ASXL3: variants seen among roughly 807,000 people sequenced by gnomAD.
ASXL3 encodes putative Polycomb group protein ASXL3.
Under a neutral mutation model 170.6 loss-of-function variants are expected in ASXL3, and 34 were observed. That is an observed-to-expected ratio of 0.20 (90% CI 0.15 to 0.27). ASXL3 has a LOEUF of 0.27. Among genes scored for constraint, ASXL3 ranks in the 10% least tolerant of loss-of-function variants. The probability of loss-of-function intolerance (pLI) is 1.00; values close to 1 mark genes in which losing one functional copy is unlikely to be tolerated. For missense variants in ASXL3, 2,592 were observed against 2,695.3 expected, an observed-to-expected ratio of 0.96 and a Z score of 0.85; for synonymous variants, 1,002 against 989.1, an observed-to-expected ratio of 1.01 and a Z score of -0.24.
intron 9 of ASXL3, among the ~76,000 whole-genome samples, chr18:33,732,280 A>G (rs997289376): frequency 1.3e-5 from 2 of 152,178 alleles, no homozygotes; most frequent in African/African-American, 4.8e-5. Flanking sequence ...TTTATCTTGG[A>G]CATCATAAAA....
At position 33,747,328 on chromosome 18, in the gene ASXL3, T is replaced by C. The variant is rs1211031584; in HGVS notation, c.*733T>C. 1 of 151,268 alleles carries C rather than the reference T, an allele frequency of 6.6e-6. No homozygotes were observed. Among genetic ancestry groups the C allele is most frequent in the South Asian group, 2.1e-4 (1 of 4,800 alleles). The allele number at this position is 151,268 out of a possible 1,614,324, so 9.4% of individuals were successfully genotyped here. ...AATCTGGTTCTAGGCCTTTGACACC[T>C]GATAATATGAGAGCAATTGGCCAGC... On this transcript the variant is annotated 3_prime_UTR_variant, in exon 12 of 12. Transcript: ENST00000269197.
chr18:33,592,799 C>T (rs2065088792), intron 1 of ASXL3, among the ~76,000 whole-genome samples: 1 of 152,052 alleles, frequency 6.6e-6, no homozygotes, highest in Admixed American at 6.5e-5. Flanking sequence ...AGGTTAAGTT[C>T]TTTTGTGTTT....
chr18:33,739,875 C>T lies in ASXL3; in HGVS notation c.2471C>T (p.Pro824Leu), dbSNP rs764053964. The change falls in exon 11 of 12, where the codon CCG (proline) becomes CTG (leucine). Residue 824 changes from proline (P) to leucine (L), a missense_variant. Transcript: ENST00000269197. ...TCTTCCATTGCTCCTGAAGCATTTC[C>T]GTCTGAAGATTTGCACAATAAGACC... ...SSSSIAPEAF[P>L]SEDLHNKTLS... 28 of 1,613,728 alleles carry T rather than the reference C, an allele frequency of 1.7e-5. 1 individual carries two copies. The highest frequency in any genetic ancestry group is 3.3e-4 in the Middle Eastern group (2 of 6,082).
intron 1 of ASXL3, among the ~76,000 whole-genome samples, chr18:33,601,600 A>T (rs1450716866): frequency 6.6e-6 from 1 of 151,724 alleles, no homozygotes; most frequent in Non-Finnish European, 1.5e-5. Flanking sequence ...CCTATTTAGT[A>T]GTGCTACAAT....
intron 4 of ASXL3, 43 bp downstream of exon 4, chr18:33,646,396 A>C (rs1228873603): frequency 3.6e-6 from 5 of 1,390,504 alleles, no homozygotes; most frequent in Non-Finnish European, 5.0e-6. Context: ...TGTTCTCTTA[A>C]AAGTTATATA....
chr18:33,660,144 G>GGCAA (rs1568310582), intron 4 of ASXL3, among the ~76,000 whole-genome samples: 1 of 151,976 alleles, frequency 6.6e-6, no homozygotes, highest in African/African-American at 2.4e-5. Context: ...TATGACCATG[G>GGCAA]GCAAGTTATT....
At position 33,749,076 on chromosome 18, in the gene ASXL3, C is replaced by CTTTTTTTT. The variant is rs10616181; in HGVS notation, c.*2491_*2498dup. On this transcript the variant is annotated 3_prime_UTR_variant, in exon 12 of 12. Coordinates refer to ENST00000269197, the MANE Select transcript of ASXL3 (RefSeq NM_030632.3). ...CCGATTAGCATAATTTTTCTGCGCC[C>CTTTTTTTT]TTTTTTTTTTTTTTTTTGCTCCAGT... 1 of 128,448 alleles carries CTTTTTTTT rather than the reference C, an allele frequency of 7.8e-6. No homozygotes were observed. The highest frequency in any genetic ancestry group is 2.9e-5 in the African/African-American group (1 of 34,180). The allele number at this position is 128,448 out of a possible 1,614,324, so 8.0% of individuals were successfully genotyped here.
rs141932209 is a variant in ASXL3, at chr18:33,747,441, TCAAAG to T, written c.*850_*854del. ...AAAAAAAAAAAAAAGACCCTAAACT[TCAAAG>T]CAAGGAAATAAGATGCTGTATATGC... On this transcript the variant is annotated 3_prime_UTR_variant, in exon 12 of 12. Coordinates refer to ENST00000269197, the MANE Select transcript of ASXL3 (RefSeq NM_030632.3). 6.6e-5 allele frequency: 10 copies of T among 151,804 alleles called. No individual in the cohort carries two copies. The highest frequency in any genetic ancestry group is 9.7e-5 in the African/African-American group (4 of 41,406). 9.4% of individuals were successfully genotyped at this position (151,804 alleles called of 1,614,324 possible).
chr18:33,730,559 T>G (rs1302967925), intron 8 of ASXL3, among the ~76,000 whole-genome samples: 1 of 152,156 alleles, frequency 6.6e-6, no homozygotes, highest in African/African-American at 2.4e-5. Context: ...ATGGGGAAGC[T>G]GAGACATTCA....
rs1255682279 is a variant in ASXL3, at chr18:33,746,010, A to G, written c.6162A>G (p.Gln2054=). The stretch of plus-strand genomic sequence containing the variant: ...CTAATGCAGAAGTCCCATCTGATCA[A>G]AAACAACCTCCAGTTACCATGGAAA... The part of the protein sequence containing the change: ...PLPNAEVPSD[Q]KQPPVTMETT... Residue 2054 remains glutamine (Q), a synonymous_variant, in exon 12 of 12, where the codon CAA becomes CAG. Coordinates refer to ENST00000269197, the MANE Select transcript of ASXL3 (RefSeq NM_030632.3). The G allele has an allele frequency of 1.2e-6, 2 of 1,609,760 alleles. No homozygotes were observed. The highest frequency in any genetic ancestry group is 2.2e-5 in the South Asian group (2 of 90,896).
At chr18:33,601,077 C>T (rs898685242) in intron 1 of ASXL3, among the ~76,000 whole-genome samples, 12 of 152,048 alleles carry the variant, frequency 7.9e-5, no homozygotes, top group Admixed American at 5.3e-4. Flanking sequence ...CTTTCCTGTG[C>T]CTCATTGGTG....
chr18:33,639,877 A>T (rs997585268), intron 2 of ASXL3, among the ~76,000 whole-genome samples: 6 of 152,202 alleles, frequency 3.9e-5, no homozygotes, highest in African/African-American at 1.2e-4. Context: ...AAATTTAAGA[A>T]TTAAAGTGTA....
chr18:33,630,213 T>A (rs990604750), intron 2 of ASXL3, among the ~76,000 whole-genome samples: 6 of 151,996 alleles, frequency 3.9e-5, no homozygotes, highest in African/African-American at 1.4e-4. Context: ...TATACTTCCT[T>A]TCTAAAGCCT....
At chr18:33,689,994 C>G (rs1264821082) in intron 8 of ASXL3, among the ~76,000 whole-genome samples, 1 of 151,968 alleles carries the variant, frequency 6.6e-6, no homozygotes. Flanking sequence ...GGCTGCTGTG[C>G]CCTCTGACAT....
At chr18:33,733,938 C>T (rs1210042303) in intron 9 of ASXL3, among the ~76,000 whole-genome samples, 1 of 152,002 alleles carries the variant, frequency 6.6e-6, no homozygotes, top group African/African-American at 2.4e-5. Flanking sequence ...TTATACAGGG[C>T]TTCATACATT....
At chr18:33,615,059 G>A (rs533241135) in intron 2 of ASXL3, among the ~76,000 whole-genome samples, 1 of 152,160 alleles carries the variant, frequency 6.6e-6, no homozygotes, top group East Asian at 1.9e-4. Flanking sequence ...GTTTTTTGAA[G>A]CATTGAAAGC....
intron 2 of ASXL3, among the ~76,000 whole-genome samples, chr18:33,608,341 C>G (rs1389639287): frequency 6.6e-6 from 1 of 151,884 alleles, no homozygotes; most frequent in East Asian, 1.9e-4. Context: ...TATGGACTTG[C>G]TATTCTAGAT....
At chr18:33,590,859 A>G (rs1164029895) in intron 1 of ASXL3, among the ~76,000 whole-genome samples, 1 of 152,172 alleles carries the variant, frequency 6.6e-6, no homozygotes, top group Admixed American at 6.5e-5. Flanking sequence ...GTTTGACACA[A>G]TTTAGGATCC....
At chr18:33,624,008 A>C (rs560519113) in intron 2 of ASXL3, among the ~76,000 whole-genome samples, 29 of 152,238 alleles carry the variant, frequency 1.9e-4, no homozygotes, top group African/African-American at 4.8e-4. Context: ...AATAAAAAAA[A>C]CCAGCCAGGT....
Sources: allele counts gnomAD v4.1 joint callset (sites outside exome capture counted in the v4.1 genomes callset), GRCh38; gene constraint gnomAD v4.1.1; transcripts MANE v1.5; gene names NCBI Gene and HGNC (gene_info 2026-07-23, HGNC 2026-07-21).